Variants in PCDHA13 observed in about 807,000 individuals in gnomAD.
The protein encoded by PCDHA13 is protocadherin alpha-13.
Under a neutral mutation model 64.8 loss-of-function variants are expected in PCDHA13, and 54 were observed. That is an observed-to-expected ratio of 0.83 (90% CI 0.67 to 1.04). The LOEUF is 1.04. Ranked by LOEUF, PCDHA13 falls within the 50% of genes least tolerant of loss-of-function variation. The probability of loss-of-function intolerance (pLI) is 0.00; values close to 1 mark genes in which losing one functional copy is unlikely to be tolerated. For synonymous variants in PCDHA13, 587 were observed against 564.4 expected (o/e 1.04, Z -0.57); for missense variants, 1,248 against 1,254.3 (o/e 0.99, Z 0.08).
chr5:140,972,130 TTAC>T (rs1424151392), intron 1 of PCDHA13, among the ~76,000 whole-genome samples: 1 of 152,022 alleles, frequency 6.6e-6, no homozygotes, highest in Non-Finnish European at 1.5e-5. Flanking sequence ...TATCAGTGAG[TTAC>T]TACTATTTTT....
Position 140,884,327 on chromosome 5 carries a change from G to T in PCDHA13, c.2059G>T (p.Val687Leu), listed in dbSNP as rs1400364790. The T allele has an allele frequency of 5.6e-6, 9 of 1,613,894 alleles. No individual in the cohort carries two copies. In the African/African-American group the frequency reaches 9.3e-5, roughly 17 times the overall value. Reference sequence around the variant, plus strand: ...TTCGTCGAGGGCGTCGGCAGGCGCTGTGGGTCCAGAAGCGGCGCTGGTGGA... The same window carrying T: ...TTCGTCGAGGGCGTCGGCAGGCGCTTTGGGTCCAGAAGCGGCGCTGGTGGA... ...QASSRASAGA[V>L]GPEAALVDVN... is the part of the protein sequence containing the mutation. Residue 687 changes from valine (V) to leucine (L), a missense_variant, in exon 1 of 4, where the codon GTG (valine) becomes TTG (leucine). Coordinates refer to ENST00000289272, the MANE Select transcript of PCDHA13 (RefSeq NM_018904.3).
intron 1 of PCDHA13, among the ~76,000 whole-genome samples, chr5:140,895,900 G>A (rs540029399): frequency 1.3e-3 from 196 of 152,038 alleles, no homozygotes; most frequent in African/African-American, 4.6e-3. Context: ...CAACCTCCGC[G>A]TCCCGGGCTC....
intron 1 of PCDHA13, among the ~76,000 whole-genome samples, chr5:140,937,959 T>C (rs1344033743): frequency 5.3e-5 from 8 of 152,142 alleles, no homozygotes; most frequent in African/African-American, 1.9e-4. Context: ...TTGTTGAAAG[T>C]ATATAGAAAT....
intron 3 of PCDHA13, among the ~76,000 whole-genome samples, chr5:141,000,481 G>A (rs1475922134): frequency 1.5e-5 from 2 of 133,428 alleles, no homozygotes; most frequent in African/African-American, 2.8e-5. Context: ...AAGCTGGAGT[G>A]CAATGGTAAG....
At chr5:140,969,141 G>T in intron 1 of PCDHA13, 1 of 1,614,158 alleles carries the variant, frequency 6.2e-7, no homozygotes, top group Non-Finnish European at 8.5e-7. Context: ...AAGACCTACT[G>T]CTACAAGGCC....
intron 3 of PCDHA13, among the ~76,000 whole-genome samples, chr5:141,008,870 C>G (rs539100133): frequency 1.4e-4 from 22 of 152,126 alleles, no homozygotes; most frequent in Non-Finnish European, 7.3e-5. Flanking sequence ...ATGCTGCATC[C>G]CACCACCCTT....
At chr5:140,910,074 G>T (rs2074869064) in intron 1 of PCDHA13, among the ~76,000 whole-genome samples, 1 of 152,162 alleles carries the variant, frequency 6.6e-6, no homozygotes, top group South Asian at 2.1e-4. Context: ...AGCGTAAATT[G>T]TTGTCAAGGG....
intron 3 of PCDHA13, among the ~76,000 whole-genome samples, chr5:140,987,875 G>A (rs1293461683): frequency 6.6e-6 from 1 of 152,008 alleles, no homozygotes; most frequent in Non-Finnish European, 1.5e-5. Flanking sequence ...GTGGAAAATG[G>A]ACAGTTTATG....
At position 140,973,495 on chromosome 5, in the gene PCDHA13, T is replaced by TA. The variant is rs148545809; in HGVS notation, c.2395-5454_2395-5453insA. Among the ~76,000 whole-genome samples, 585 of 152,336 alleles carry TA rather than the reference T, an allele frequency of 3.8e-3. 2 individuals are homozygous for TA. Among genetic ancestry groups the TA allele is most frequent in the African/African-American group, 0.013 (553 of 41,574 alleles). ...AATTTCATATTGGTCACAGGACTCTTCTTCTGAGAAAAAGTTTATTTTCTT... is the reference window on the plus strand; with the variant it reads ...AATTTCATATTGGTCACAGGACTCTTACTTCTGAGAAAAAGTTTATTTTCTT... On this transcript the variant is annotated intron_variant, in intron 1 of 3. Coordinates refer to ENST00000289272, the MANE Select transcript of PCDHA13 (RefSeq NM_018904.3).
At chr5:140,929,424 A>G in intron 1 of PCDHA13, 1 of 1,496,380 alleles carries the variant, frequency 6.7e-7, no homozygotes, top group East Asian at 2.3e-5. Flanking sequence ...ACATTTCATC[A>G]ATTGAACTAA....
At chr5:140,928,044 T>A (rs782342331) in intron 1 of PCDHA13, 1 of 1,614,196 alleles carries the variant, frequency 6.2e-7, no homozygotes, top group South Asian at 1.1e-5. Context: ...GTGCAGGCCC[T>A]TTTCAGCTGA....
At chr5:140,955,155 C>T (rs1241099289) in intron 1 of PCDHA13, among the ~76,000 whole-genome samples, 1 of 152,088 alleles carries the variant, frequency 6.6e-6, no homozygotes, top group Non-Finnish European at 1.5e-5. Context: ...GTACCAGTAC[C>T]GTGCTGTTTT....
rs542536806 is a variant in PCDHA13, at chr5:140,896,054, G to T, written c.2394+11392G>T. Among the ~76,000 whole-genome samples the T allele has an allele frequency of 4.6e-5, 7 of 151,966 alleles. 1 individual carries two copies. In the East Asian group the frequency reaches 1.4e-3, roughly 30 times the overall value. On this transcript the variant is annotated intron_variant, in intron 1 of 3. Transcript: ENST00000289272. ...TCGAACTCCTGACCTCAGGTGATCC[G>T]CCTGCCTCGGCCTCCCAACATGCTG...
chr5:140,882,492 T>C lies in PCDHA13; in HGVS notation c.224T>C (p.Leu75Pro), dbSNP rs782572325. The stretch of plus-strand genomic sequence containing the variant: ...GCGTCCAAAAGACACGGGGACCTTC[T>C]GGAGGTAAATCTGCAGAATGGCATT... ...RVASKRHGDLLEVNLQNGILF... is the reference protein window; with the variant it reads ...RVASKRHGDLPEVNLQNGILF... The change falls in exon 1 of 4, where the codon CTG (leucine) becomes CCG (proline). Residue 75 changes from leucine (L) to proline (P), a missense_variant. Physicochemically the swap from Leu to Pro is moderately conservative, Grantham distance 98. Coordinates refer to ENST00000289272, the MANE Select transcript of PCDHA13 (RefSeq NM_018904.3). 1 of 1,614,090 alleles carries C rather than the reference T, an allele frequency of 6.2e-7. No homozygotes were observed. Among genetic ancestry groups the C allele is most frequent in the South Asian group, 1.1e-5 (1 of 91,076 alleles).
chr5:140,925,585 A>T (rs1450626568), intron 1 of PCDHA13, among the ~76,000 whole-genome samples: 1 of 151,748 alleles, frequency 6.6e-6, no homozygotes, highest in Non-Finnish European at 1.5e-5. Flanking sequence ...AACATGGCGC[A>T]TGTATACATA....
intron 1 of PCDHA13, among the ~76,000 whole-genome samples, chr5:140,911,564 CTT>C (rs1188784239): frequency 6.6e-6 from 1 of 152,226 alleles, no homozygotes. Flanking sequence ...TCTTTCATCA[CTT>C]TGTCCAGTGA....
intron 1 of PCDHA13, chr5:140,969,475 C>A: frequency 1.4e-6 from 2 of 1,476,386 alleles, no homozygotes; most frequent in South Asian, 1.4e-5. Context: ...ACAATTTGAT[C>A]ATAATCTGCT....
chr5:140,928,801 G>T (rs1554206325), intron 1 of PCDHA13: 1 of 1,614,066 alleles, frequency 6.2e-7, no homozygotes, highest in African/African-American at 1.3e-5. Flanking sequence ...GGTGGTGGTA[G>T]TGGTTCGGGA....
intron 1 of PCDHA13, among the ~76,000 whole-genome samples, chr5:140,922,803 A>G (rs2080995467): frequency 6.6e-6 from 1 of 152,246 alleles, no homozygotes; most frequent in African/African-American, 2.4e-5. Flanking sequence ...TGGAATACAG[A>G]AAAAGGAGAT....
Sources: allele counts gnomAD v4.1 joint callset (sites outside exome capture counted in the v4.1 genomes callset), GRCh38; gene constraint gnomAD v4.1.1; transcripts MANE v1.5; gene names NCBI Gene and HGNC (gene_info 2026-07-23, HGNC 2026-07-21).